The following NRG1 variants were observed in gnomAD, a reference collection of about 807,000 sequenced individuals.
The protein encoded by NRG1 is neuregulin 1, also known as pro-neuregulin-1, membrane-bound isoform.
In NRG1, 18 loss-of-function variants were observed where a neutral mutation model predicts 63.8. The ratio of observed to expected loss-of-function variants is 0.28; its 90% CI spans 0.19 to 0.42. NRG1 has a LOEUF of 0.42. Among genes scored for constraint, NRG1 ranks in the 10% least tolerant of loss-of-function variants. The pLI is 1.00. For synonymous variants in NRG1, 302 were observed against 301.3 expected (o/e 1.00, Z -0.02); for missense variants, 762 against 814.7 (o/e 0.94, Z 0.79).
intron 1 of NRG1, among the ~76,000 whole-genome samples, chr8:31,964,401 G>A (rs1805977554): frequency 6.6e-6 from 1 of 152,222 alleles, no homozygotes. Flanking sequence ...TGGGTGCACT[G>A]GCTCATGCCT....
At chr8:32,650,104 C>T (rs17723067) in intron 5 of NRG1, among the ~76,000 whole-genome samples, 1,829 of 152,276 alleles carry the variant, frequency 0.012, 17 homozygotes, top group Non-Finnish European at 0.02. Flanking sequence ...ACATCTAACA[C>T]ATTTTCCTGA....
At position 32,722,080 on chromosome 8, in the gene NRG1, G is replaced by A. The variant is rs2129003971; in HGVS notation, c.503-5869G>A. The A allele has an allele frequency of 2.8e-6, 4 of 1,446,182 alleles. No individual in the cohort carries two copies. The South Asian group carries it at 5.1e-5, about 19-fold the overall frequency. The allele number at this position is 1,446,182 out of a possible 1,614,324, so 89.6% of individuals were successfully genotyped here. ...AAAATCTGTAATTTTGTAGTGACTA[G>A]CAGTTTAATATTCAAACATTTAAAA... On this transcript the variant is annotated intron_variant, in intron 5 of 11. Coordinates refer to ENST00000356819, the Ensembl canonical transcript of NRG1.
chr8:32,502,788 T>C (rs958353135), intron 1 of NRG1, among the ~76,000 whole-genome samples: 1 of 152,120 alleles, frequency 6.6e-6, no homozygotes, highest in East Asian at 1.9e-4. Context: ...TAACCCTTAG[T>C]AACATTAACT....
intron 1 of NRG1, among the ~76,000 whole-genome samples, chr8:32,382,812 A>C (rs954894888): frequency 3.3e-5 from 5 of 152,048 alleles, no homozygotes; most frequent in Non-Finnish European, 5.9e-5. Context: ...TGTCCCATAC[A>C]CTGGTCCAGG....
At position 32,403,607 on chromosome 8, in the gene NRG1, G is replaced by A. The variant is rs73675135; in HGVS notation, c.38-192221G>A. Among the ~76,000 whole-genome samples the A allele has an allele frequency of 6.4e-3, 970 of 152,252 alleles. 12 individuals carry two copies. The highest frequency in any genetic ancestry group is 0.022 in the African/African-American group (931 of 41,544). The stretch of plus-strand genomic sequence containing the variant: ...TATCTGAATCCCTCCCTGCTCGAAA[G>A]TCTCCTTTATACGCTCATGTTTCAA... On this transcript the variant is annotated intron_variant, in intron 1 of 10. Transcript: ENST00000519301.
chr8:32,676,487 G>A lies in NRG1; in HGVS notation c.503-51462G>A, dbSNP rs150379852. 2.7e-3 allele frequency among the ~76,000 whole-genome samples: 415 copies of A among 152,224 alleles called. 3 individuals are homozygous for A. Among genetic ancestry groups the A allele is most frequent in the African/African-American group, 9.3e-3 (387 of 41,538 alleles). ...TTAACCTAGTTTTAGTTCTAACTCT[G>A]CCATTTACTGCTCATGTGACCCTTG... On this transcript the variant is annotated intron_variant, in intron 5 of 11. Transcript: ENST00000356819.
intron 1 of NRG1, among the ~76,000 whole-genome samples, chr8:31,812,486 T>C (rs1023974829): frequency 7.9e-5 from 12 of 152,308 alleles, no homozygotes; most frequent in African/African-American, 2.9e-4. Context: ...GATTTGAAGC[T>C]GGAATACCCA....
intron 1 of NRG1, among the ~76,000 whole-genome samples, chr8:31,772,359 C>G (rs1469833950): frequency 1.3e-5 from 2 of 152,200 alleles, no homozygotes; most frequent in Non-Finnish European, 2.9e-5. Context: ...CCAAGACTCT[C>G]TACACAGTAA....
intron 9 of NRG1, among the ~76,000 whole-genome samples, chr8:32,759,025 T>G (rs1165246824): frequency 1.3e-5 from 2 of 152,196 alleles, no homozygotes; most frequent in Admixed American, 1.3e-4. Context: ...AATAGGACTT[T>G]TGCTGATAAA....
chr8:32,366,653 T>TTG lies in NRG1; in HGVS notation c.38-229151_38-229150dup, dbSNP rs146191135. ...TATATACACATATATGTAATATATA[T>TTG]TGTGTGTGTGTGTGTGTGTGTGTGT... On this transcript the variant is annotated intron_variant, in intron 1 of 10. Transcript: ENST00000519301. Among the ~76,000 whole-genome samples the TTG allele has an allele frequency of 6.3e-3, 642 of 101,104 alleles. 11 individuals are homozygous for TTG. Among genetic ancestry groups the TTG allele is most frequent in the Middle Eastern group, 0.018 (3 of 168 alleles). The allele number at this position is 101,104 out of a possible 152,430, so 66.3% of individuals were successfully genotyped here.
intron 1 of NRG1, among the ~76,000 whole-genome samples, chr8:31,690,906 A>G (rs1400403137): frequency 6.6e-6 from 1 of 152,186 alleles, no homozygotes; most frequent in African/African-American, 2.4e-5. Flanking sequence ...ATCTCCAGAT[A>G]TATGAATCTG....
chr8:31,905,651 G>T (rs1024920494), intron 1 of NRG1, among the ~76,000 whole-genome samples: 1 of 152,112 alleles, frequency 6.6e-6, no homozygotes, highest in Non-Finnish European at 1.5e-5. Context: ...TGTTGAATGA[G>T]AACTTCATTT....
chr8:32,305,032 T>C (rs1446182206), intron 1 of NRG1, among the ~76,000 whole-genome samples: 4 of 151,912 alleles, frequency 2.6e-5, no homozygotes, highest in African/African-American at 9.7e-5. Flanking sequence ...TACATAAAAA[T>C]AAAAATAAAA....
At chr8:32,387,508 G>A (rs997737680) in intron 1 of NRG1, among the ~76,000 whole-genome samples, 4 of 152,184 alleles carry the variant, frequency 2.6e-5, no homozygotes, top group African/African-American at 9.7e-5. Flanking sequence ...GTTGCTGGTG[G>A]TTGGATGTGT....
Position 32,515,159 on chromosome 8 carries a change from A to G in NRG1, c.38-80669A>G, listed in dbSNP as rs116038208. 8.2e-3 allele frequency among the ~76,000 whole-genome samples: 1,241 copies of G among 152,162 alleles called. 10 individuals are homozygous for G. The highest frequency in any genetic ancestry group is 0.028 in the African/African-American group (1,154 of 41,524). ...CTTAGTAATGGAATTGCTGTGTTGA[A>G]TAGTAGTTTTAAGTTCTTTGAGAAA... On this transcript the variant is annotated intron_variant, in intron 1 of 10. Coordinates refer to the NRG1 transcript ENST00000519301.
chr8:31,978,937 CTTATT>C (rs1808632531), intron 1 of NRG1, among the ~76,000 whole-genome samples: 1 of 152,232 alleles, frequency 6.6e-6, no homozygotes, highest in Non-Finnish European at 1.5e-5. Flanking sequence ...TGTCCTTTGG[CTTATT>C]TTATTTTAGT....
At chr8:32,095,108 C>T (rs1038174887) in intron 1 of NRG1, among the ~76,000 whole-genome samples, 11 of 152,102 alleles carry the variant, frequency 7.2e-5, no homozygotes, top group African/African-American at 2.7e-4. Flanking sequence ...GACAGGGTTT[C>T]ACCATGTTGG....
intron 1 of NRG1, among the ~76,000 whole-genome samples, chr8:31,730,581 A>G (rs565943961): frequency 5.4e-4 from 82 of 152,322 alleles, no homozygotes; most frequent in African/African-American, 1.8e-3. Flanking sequence ...CTAGAAATCA[A>G]GTTAGATTCC....
At chr8:32,087,937 C>A (rs1828529081) in intron 1 of NRG1, among the ~76,000 whole-genome samples, 11 of 152,114 alleles carry the variant, frequency 7.2e-5, no homozygotes. Context: ...TAGCTGAAGT[C>A]AAATGGAATG....
Sources: gnomAD v4.1 joint callset for allele counts (sites outside exome capture counted in the v4.1 genomes callset) on GRCh38, gnomAD v4.1.1 for gene constraint, MANE v1.5 for transcripts, NCBI Gene and HGNC (gene_info 2026-07-23, HGNC 2026-07-21) for gene names.